Variants in MLLT1 observed in about 807,000 individuals in gnomAD.
The protein encoded by MLLT1 is protein ENL.
In MLLT1, 11 loss-of-function variants were observed where a neutral mutation model predicts 55.1. The ratio of observed to expected loss-of-function variants is 0.20; its 90% CI spans 0.13 to 0.33. MLLT1 has a LOEUF of 0.33. Among genes scored for constraint, MLLT1 ranks in the 10% least tolerant of loss-of-function variants. The pLI is 1.00. For synonymous variants in MLLT1, 323 were observed against 320.1 expected (o/e 1.01, Z -0.10); for missense variants, 536 against 760.6 (o/e 0.70, Z 3.47).
intron 1 of MLLT1, among the ~76,000 whole-genome samples, chr19:6,276,967 AAG>A (rs1334790862): frequency 6.6e-6 from 1 of 152,162 alleles, no homozygotes; most frequent in African/African-American, 2.4e-5. Context: ...GGAAGGCAAA[AAG>A]AGAATCAAAG....
rs995130178 is a variant in MLLT1, at chr19:6,212,454, G to A, written c.*588C>T. On this transcript the variant is annotated 3_prime_UTR_variant, in exon 12 of 12. Coordinates refer to ENST00000252674, the MANE Select transcript of MLLT1 (RefSeq NM_005934.4). ...GCACTGCTGCCACAGAAACGCACAT[G>A]GACACTGCTCTTGACCAGACAGTGC... 6.6e-5 allele frequency: 70 copies of A among 1,066,130 alleles called. No homozygotes were observed. The highest frequency in any genetic ancestry group is 7.7e-5 in the Non-Finnish European group (68 of 879,954). The allele number at this position is 1,066,130 out of a possible 1,614,324, so 66.0% of individuals were successfully genotyped here.
intron 2 of MLLT1, among the ~76,000 whole-genome samples, chr19:6,264,604 T>G (rs1017964695): frequency 6.6e-6 from 1 of 151,706 alleles, no homozygotes; most frequent in African/African-American, 2.4e-5. Context: ...AATAAGATAC[T>G]TCTAAAAGGG....
intron 9 of MLLT1, 49 bp from the exon 10 acceptor site, chr19:6,213,846 G>A: frequency 6.3e-7 from 1 of 1,593,406 alleles, no homozygotes. Flanking sequence ...ACCCTCCCCA[G>A]CCCCGAAGGC....
Position 6,222,397 on chromosome 19 carries a change from G to C in MLLT1, c.834C>G (p.Pro278=). 1.2e-6 allele frequency: 1 copy of C among 867,022 alleles called. No homozygotes were observed. The highest frequency in any genetic ancestry group is 1.6e-6 in the Non-Finnish European group (1 of 631,260). The allele number at this position is 867,022 out of a possible 1,614,324, so 53.7% of individuals were successfully genotyped here. A position where few individuals can be genotyped will look rare whatever the true frequency, so the allele number is the denominator to read the frequency against. The part of the protein sequence containing the change: ...PKGGPPPPPP[P]PPRASSKRPA... ...GCCGCTTGCTGGAAGCCCGGGGTGG[G>C]GGTGGGGGTGGGGGTGGGGGCCCAC... The change falls in exon 6 of 12, where the codon CCC becomes CCG. Residue 278 remains proline (P), a synonymous_variant. Transcript: ENST00000252674. The surrounding 1 kb of genome is among the most constrained non-coding windows in gnomAD (Gnocchi z 4.1).
chr19:6,271,746 G>A (rs897524977), intron 1 of MLLT1, among the ~76,000 whole-genome samples: 9 of 152,220 alleles, frequency 5.9e-5, no homozygotes, highest in East Asian at 1.9e-4. Flanking sequence ...GCAGCCAAGC[G>A]CACACTTGCT....
Position 6,211,941 on chromosome 19 carries a change from G to A in MLLT1, c.*1101C>T, listed in dbSNP as rs1376068072. On this transcript the variant is annotated 3_prime_UTR_variant, in exon 12 of 12. Transcript: ENST00000252674. This position sits in a 1 kb window ranked among gnomAD's most constrained non-coding sequence, Gnocchi z 4.6. ...GACCAGAGAGAAAGGCAGCCTGGGAGGGCCAGCCCGGCCAACCCACCGGGC... is the reference window on the plus strand; with the variant it reads ...GACCAGAGAGAAAGGCAGCCTGGGAAGGCCAGCCCGGCCAACCCACCGGGC... 9.4e-6 allele frequency: 10 copies of A among 1,065,364 alleles called. No individual in the cohort carries two copies. The highest frequency in any genetic ancestry group is 1.0e-5 in the Non-Finnish European group (9 of 879,126). The allele number at this position is 1,065,364 out of a possible 1,614,324, so 66.0% of individuals were successfully genotyped here.
At chr19:6,223,670 G>A (rs774060020) in intron 5 of MLLT1, among the ~76,000 whole-genome samples, 2 of 152,162 alleles carry the variant, frequency 1.3e-5, no homozygotes, top group African/African-American at 4.8e-5. Context: ...GGCTCAGCCC[G>A]CGGCCAGCCT....
At chr19:6,254,743 T>C (rs2091244836) in intron 3 of MLLT1, among the ~76,000 whole-genome samples, 1 of 152,172 alleles carries the variant, frequency 6.6e-6, no homozygotes, top group African/African-American at 2.4e-5. Context: ...AGTTCACAGC[T>C]GACATCACAC....
In MLLT1 at chr19:6,229,588, CCA is replaced by C. The variant is rs3837999; in HGVS notation, c.420+980_420+981del. ...CGTCACACCATACGTGCGTGACACA[CCA>C]CACACTTCCCGCAAGTGACACGACA... On this transcript the variant is annotated intron_variant, in intron 4 of 11. Coordinates refer to ENST00000252674, the MANE Select transcript of MLLT1 (RefSeq NM_005934.4). This position sits in a 1 kb window ranked among gnomAD's most constrained non-coding sequence, Gnocchi z 5.2. Among the ~76,000 whole-genome samples, 3,160 of 151,996 alleles carry C rather than the reference CCA, an allele frequency of 0.021. 109 individuals are homozygous for C. The highest frequency in any genetic ancestry group is 0.13 in the East Asian group (683 of 5,160).
chr19:6,258,942 G>T (rs971504396), intron 3 of MLLT1, among the ~76,000 whole-genome samples: 1 of 152,110 alleles, frequency 6.6e-6, no homozygotes, highest in African/African-American at 2.4e-5. Context: ...TATGTGCCAC[G>T]CGCCGGGCCA....
chr19:6,260,408 G>A (rs2091294277), intron 3 of MLLT1, among the ~76,000 whole-genome samples: 1 of 152,212 alleles, frequency 6.6e-6, no homozygotes, highest in Non-Finnish European at 1.5e-5. Context: ...CTGCTGCACT[G>A]GGTACAGTGG....
intron 3 of MLLT1, among the ~76,000 whole-genome samples, chr19:6,260,724 T>C (rs1264723780): frequency 2.0e-5 from 3 of 152,250 alleles, no homozygotes; most frequent in African/African-American, 4.8e-5. Context: ...CAAGTGCCTG[T>C]AGTCCCAGCT....
In MLLT1 at chr19:6,221,787, G is replaced by C. The variant is rs2090899726; in HGVS notation, c.1110+334C>G. 2.0e-5 allele frequency among the ~76,000 whole-genome samples: 3 copies of C among 152,262 alleles called. No individual in the cohort carries two copies. In the South Asian group the frequency reaches 6.2e-4, roughly 31 times the overall value. On this transcript the variant is annotated intron_variant, in intron 6 of 11. Transcript: ENST00000252674. Reference sequence around the variant, plus strand: ...GAGACACGCTTGCCCACTGGCACCAGAGCGGCCAAGACCCGGGCCCATGCA... The same window carrying C: ...GAGACACGCTTGCCCACTGGCACCACAGCGGCCAAGACCCGGGCCCATGCA...
intron 3 of MLLT1, among the ~76,000 whole-genome samples, chr19:6,243,644 C>T (rs2091136983): frequency 7.6e-6 from 1 of 131,466 alleles, no homozygotes; most frequent in Non-Finnish European, 1.5e-5. Context: ...CCCAGCTCAC[C>T]TCCCTCACAC....
chr19:6,272,441 C>T (rs1257466346), intron 1 of MLLT1, among the ~76,000 whole-genome samples: 1 of 152,138 alleles, frequency 6.6e-6, no homozygotes, highest in Non-Finnish European at 1.5e-5. Flanking sequence ...GTGCCCTAAG[C>T]TCGTTTCAAA....
chr19:6,265,038 C>CAAAAAAAAAAAAAAAAAAAAAAAA (rs928827048), intron 2 of MLLT1, among the ~76,000 whole-genome samples: 9 of 21,206 alleles, frequency 4.2e-4, no homozygotes, highest in East Asian at 8.3e-4. Flanking sequence ...TAGTGAACAG[C>CAAAAAAAAAAAAAAAAAAAAAAAA]AAAAAAAAAA....
At chr19:6,245,349 C>T (rs2091158051) in intron 3 of MLLT1, among the ~76,000 whole-genome samples, 1 of 151,236 alleles carries the variant, frequency 6.6e-6, no homozygotes, top group African/African-American at 2.4e-5. Context: ...ACCTCGGCCT[C>T]CCAAAGTGCT....
At chr19:6,264,323 CA>C (rs1274829445) in intron 2 of MLLT1, among the ~76,000 whole-genome samples, 1 of 146,964 alleles carries the variant, frequency 6.8e-6, no homozygotes, top group East Asian at 2.2e-4. Flanking sequence ...AGCCAACTAT[CA>C]GGGGGAAGCT....
Position 6,222,535 on chromosome 19 carries a change from C to T in MLLT1, c.696G>A (p.Lys232=). The change falls in exon 6 of 12, where the codon AAG becomes AAA. Residue 232 remains lysine (K), a synonymous_variant. Transcript: ENST00000252674. This position sits in a 1 kb window ranked among gnomAD's most constrained non-coding sequence, Gnocchi z 4.1. The part of the protein sequence containing the change: ...QAKSSKDTSR[K]LGEGRLPKEE... Reference sequence around the variant, plus strand: ...CCTTGGGCAGCCGGCCCTCGCCCAGCTTCCGCGAGGTGTCCTTGGAGCTTT... The same window carrying T: ...CCTTGGGCAGCCGGCCCTCGCCCAGTTTCCGCGAGGTGTCCTTGGAGCTTT... 1.2e-6 allele frequency: 2 copies of T among 1,600,700 alleles called. No homozygotes were observed. Among genetic ancestry groups the T allele is most frequent in the African/African-American group, 1.3e-5 (1 of 75,056 alleles).
Sources: allele counts gnomAD v4.1 joint callset (sites outside exome capture counted in the v4.1 genomes callset), GRCh38; gene constraint gnomAD v4.1.1; non-coding constraint Gnocchi (gnomAD v3.1); transcripts MANE v1.5; gene names NCBI Gene and HGNC (gene_info 2026-07-23, HGNC 2026-07-21).